The following SYT16 variants were observed in gnomAD, a reference collection of about 807,000 sequenced individuals.
SYT16 encodes the protein synaptotagmin 16.
SYT16 carries 42 observed loss-of-function variants against 61.4 expected under a neutral mutation model. That is an observed-to-expected ratio of 0.68 (90% CI 0.53 to 0.89). The LOEUF (loss-of-function observed/expected upper bound fraction) is 0.89. SYT16 is among the 40% of genes least tolerant of loss of function. SYT16 has a pLI of 0.00. For synonymous variants in SYT16, 314 were observed against 302.3 expected (o/e 1.04, Z -0.40); for missense variants, 804 against 807.3 (o/e 1.00, Z 0.05).
At chr14:61,980,894 A>T (rs2052040859) in intron 2 of SYT16, among the ~76,000 whole-genome samples, 1 of 152,108 alleles carries the variant, frequency 6.6e-6, no homozygotes, top group Non-Finnish European at 1.5e-5. Context: ...TGTAATGGCT[A>T]TAGGGAGCTC....
intron 1 of SYT16, among the ~76,000 whole-genome samples, chr14:61,923,766 G>A (rs940362012): frequency 1.3e-5 from 2 of 151,626 alleles, no homozygotes; most frequent in African/African-American, 4.8e-5. Context: ...TCTAGTATTT[G>A]GTTTTTTAAA....
At chr14:61,859,782 A>G (rs2046910297) in intron 1 of SYT16, among the ~76,000 whole-genome samples, 1 of 152,154 alleles carries the variant, frequency 6.6e-6, no homozygotes, top group Admixed American at 6.5e-5. Context: ...GGACATTGGC[A>G]CACTTGGGGC....
chr14:61,820,531 G>C (rs927824069), intron 1 of SYT16, among the ~76,000 whole-genome samples: 1 of 122,278 alleles, frequency 8.2e-6, no homozygotes, highest in Non-Finnish European at 1.6e-5. Flanking sequence ...GCCCAGGTTG[G>C]AGTGCAGTGG....
At chr14:61,954,716 T>C (rs1433175131) in intron 1 of SYT16, among the ~76,000 whole-genome samples, 2 of 152,038 alleles carry the variant, frequency 1.3e-5, no homozygotes, top group Non-Finnish European at 1.5e-5. Flanking sequence ...TGTCAAAGTC[T>C]CTAATTTTGT....
chr14:62,025,925 G>A (rs992994184), intron 3 of SYT16, among the ~76,000 whole-genome samples: 6 of 151,296 alleles, frequency 4.0e-5, no homozygotes, highest in Admixed American at 2.0e-4. Context: ...TTTTTCTATT[G>A]GATCAAATGA....
chr14:62,029,562 A>G (rs912038781), intron 3 of SYT16, among the ~76,000 whole-genome samples: 1 of 152,196 alleles, frequency 6.6e-6, no homozygotes, highest in Non-Finnish European at 1.5e-5. Flanking sequence ...TTCCCAGAAT[A>G]GCACAGTTCT....
intron 3 of SYT16, among the ~76,000 whole-genome samples, chr14:62,011,845 G>A (rs1387630491): frequency 7.1e-6 from 1 of 140,068 alleles, no homozygotes; most frequent in Non-Finnish European, 1.5e-5. Context: ...ATGGACACAT[G>A]TCTACCACAA....
intron 1 of SYT16, among the ~76,000 whole-genome samples, chr14:61,848,115 G>A (rs1402141766): frequency 1.3e-5 from 2 of 152,172 alleles, no homozygotes; most frequent in Non-Finnish European, 2.9e-5. Flanking sequence ...CATGCTTGTG[G>A]ATGTTTGTCT....
chr14:61,945,111 G>T (rs1445587207), intron 1 of SYT16, among the ~76,000 whole-genome samples: 1 of 152,222 alleles, frequency 6.6e-6, no homozygotes, highest in African/African-American at 2.4e-5. Context: ...AGACATTTAT[G>T]TGGTCAGCAG....
intron 1 of SYT16, among the ~76,000 whole-genome samples, chr14:61,864,101 T>C (rs1043609026): frequency 3.3e-5 from 5 of 152,250 alleles, no homozygotes; most frequent in Non-Finnish European, 5.9e-5. Flanking sequence ...CTGTTTTATG[T>C]GGAGGAATAT....
At chr14:62,096,326 G>A (rs1406476612) in intron 7 of SYT16, among the ~76,000 whole-genome samples, 2 of 152,062 alleles carry the variant, frequency 1.3e-5, no homozygotes, top group Non-Finnish European at 2.9e-5. Flanking sequence ...TCTAGAATTT[G>A]TAAAGAGCAC....
At position 62,105,969 on chromosome 14, in the gene SYT16, G is replaced by GCCACATACCAGGCTTATCTCT. The variant is rs1194142781; in HGVS notation, c.*5262_*5263insCCACATACCAGGCTTATCTCT. On this transcript the variant is annotated 3_prime_UTR_variant, in exon 8 of 8. Coordinates refer to ENST00000683842, the MANE Select transcript of SYT16 (RefSeq NM_001367656.1). ...TAATTAAACATGTAGGGAAGGTGAA[G>GCCACATACCAGGCTTATCTCT]GAGTTAGATGGGAGGTAAGAAGGCT... 4 of 152,152 alleles carry GCCACATACCAGGCTTATCTCT rather than the reference G, an allele frequency of 2.6e-5. No homozygotes were observed. The highest frequency in any genetic ancestry group is 4.1e-4 in the South Asian group (2 of 4,824). The allele number at this position is 152,152 out of a possible 1,614,324, so 9.4% of individuals were successfully genotyped here. A position where few individuals can be genotyped will look rare whatever the true frequency, so the allele number is the denominator to read the frequency against.
intron 3 of SYT16, among the ~76,000 whole-genome samples, chr14:62,047,254 C>T (rs1294823434): frequency 2.6e-5 from 4 of 152,186 alleles, no homozygotes; most frequent in Non-Finnish European, 5.9e-5. Flanking sequence ...TGGGAGTTCA[C>T]TCATGATTTG....
At chr14:61,963,304 A>G (rs2051185499) in intron 1 of SYT16, among the ~76,000 whole-genome samples, 1 of 152,222 alleles carries the variant, frequency 6.6e-6, no homozygotes, top group African/African-American at 2.4e-5. Flanking sequence ...CTCTTGTACC[A>G]AACAGCTAGC....
chr14:61,964,936 T>C (rs1364514427), intron 1 of SYT16, among the ~76,000 whole-genome samples: 1 of 151,882 alleles, frequency 6.6e-6, no homozygotes, highest in Non-Finnish European at 1.5e-5. Context: ...TTAATTAAGG[T>C]ATGCACATGG....
In SYT16 at chr14:61,817,013, ACAC is replaced by A. The variant is rs1566604714; in HGVS notation, c.-325+4204_-325+4206del. On this transcript the variant is annotated intron_variant, in intron 1 of 7. Coordinates refer to ENST00000683842, the MANE Select transcript of SYT16 (RefSeq NM_001367656.1). ...GCGACAGAGTGAGGCTCCGTCACAC[ACAC>A]ACACACACACACAAAAAAAGCATTT... Among the ~76,000 whole-genome samples the A allele has an allele frequency of 8.1e-3, 1,175 of 144,814 alleles. 39 individuals are homozygous for A. The highest frequency in any genetic ancestry group is 0.029 in the African/African-American group (1,081 of 37,758).
chr14:62,023,813 T>TACAC, intron 3 of SYT16, among the ~76,000 whole-genome samples: 1 of 152,186 alleles, frequency 6.6e-6, no homozygotes, highest in Admixed American at 6.5e-5. Context: ...TTTTTAATCG[T>TACAC]GTAGTCTTGC....
At chr14:61,847,624 A>G (rs1333258725) in intron 1 of SYT16, among the ~76,000 whole-genome samples, 1 of 152,082 alleles carries the variant, frequency 6.6e-6, no homozygotes, top group Non-Finnish European at 1.5e-5. Flanking sequence ...GTTCTCTGTT[A>G]TTACTCCTTT....
chr14:62,029,451 C>T (rs1463809162), intron 3 of SYT16, among the ~76,000 whole-genome samples: 1 of 152,086 alleles, frequency 6.6e-6, no homozygotes, highest in Non-Finnish European at 1.5e-5. Flanking sequence ...ATAGCGGTGC[C>T]CACTGGTGGT....
Sources: allele counts gnomAD v4.1 joint callset (sites outside exome capture counted in the v4.1 genomes callset), GRCh38; gene constraint gnomAD v4.1.1; transcripts MANE v1.5; gene names NCBI Gene and HGNC (gene_info 2026-07-23, HGNC 2026-07-21).